Variants in KIF13B observed in about 807,000 individuals in gnomAD.
KIF13B encodes kinesin family member 13B, also known as kinesin-like protein KIF13B.
In KIF13B, 127 loss-of-function variants were observed where a neutral mutation model predicts 222.0. The observed-to-expected ratio is 0.57, with a 90% CI of 0.50 to 0.66. The LOEUF is 0.66. Among genes scored for constraint, KIF13B ranks in the 30% least tolerant of loss-of-function variants. The pLI is 0.00. For missense variants in KIF13B, 2,173 were observed against 2,379.0 expected (o/e 0.91, Z 1.80); for synonymous variants, 976 against 919.0 (o/e 1.06, Z -1.12).
intron 2 of KIF13B, among the ~76,000 whole-genome samples, chr8:29,239,587 G>T (rs1311064108): frequency 6.6e-6 from 1 of 152,162 alleles, no homozygotes; most frequent in Non-Finnish European, 1.5e-5. Flanking sequence ...TGGGTACTAT[G>T]TTCACTGTCT....
At chr8:29,080,542 C>A (rs2133500641) in intron 37 of KIF13B, among the ~76,000 whole-genome samples, 1 of 152,294 alleles carries the variant, frequency 6.6e-6, no homozygotes, top group East Asian at 1.9e-4. Context: ...ACCCTGTGCG[C>A]CTGGAGGCTC....
At chr8:29,077,233 G>A (rs2133487995) in intron 37 of KIF13B, among the ~76,000 whole-genome samples, 1 of 152,284 alleles carries the variant, frequency 6.6e-6, no homozygotes, top group South Asian at 2.1e-4. Flanking sequence ...GACCAGAACA[G>A]TCTCCCCTCT....
intron 37 of KIF13B, among the ~76,000 whole-genome samples, chr8:29,086,621 T>A (rs920466524): frequency 1.1e-4 from 17 of 152,250 alleles, no homozygotes; most frequent in African/African-American, 3.9e-4. Flanking sequence ...ATGACTTGCT[T>A]GGTTTCCATG....
intron 2 of KIF13B, among the ~76,000 whole-genome samples, chr8:29,240,902 A>T (rs1367462299): frequency 6.6e-6 from 1 of 152,218 alleles, no homozygotes; most frequent in East Asian, 1.9e-4. Flanking sequence ...CAGTTTGGCA[A>T]TTCCTCAAAA....
chr8:29,087,659 A>G (rs1342417783), intron 37 of KIF13B, among the ~76,000 whole-genome samples: 2 of 152,192 alleles, frequency 1.3e-5, no homozygotes, highest in Non-Finnish European at 2.9e-5. Flanking sequence ...CACCATTTAG[A>G]CGAGAAAGGA....
chr8:29,215,645 T>C (rs1284665887), intron 2 of KIF13B, among the ~76,000 whole-genome samples: 1 of 152,248 alleles, frequency 6.6e-6, no homozygotes, highest in Admixed American at 6.5e-5. Context: ...TCAGCCGTGA[T>C]GGCACCACTG....
intron 32 of KIF13B, among the ~76,000 whole-genome samples, chr8:29,112,254 G>A (rs1264935684): frequency 6.6e-6 from 1 of 152,086 alleles, no homozygotes; most frequent in African/African-American, 2.4e-5. Context: ...CCAACGTGGT[G>A]AAATCCCGTC....
chr8:29,170,809 G>A (rs943090196), intron 10 of KIF13B, among the ~76,000 whole-genome samples: 4 of 152,328 alleles, frequency 2.6e-5, no homozygotes, highest in South Asian at 4.1e-4. Flanking sequence ...TGGGCGCAGC[G>A]GCTCACGCCT....
At chr8:29,112,548 G>A (rs1009044408) in intron 32 of KIF13B, among the ~76,000 whole-genome samples, 5 of 152,288 alleles carry the variant, frequency 3.3e-5, no homozygotes, top group Non-Finnish European at 5.9e-5. Flanking sequence ...ACGGGAACTG[G>A]TGCTGGTGTT....
At chr8:29,176,306 C>T in intron 9 of KIF13B, 127 bp from the exon 10 acceptor site, 2 of 623,576 alleles carry the variant, frequency 3.2e-6, no homozygotes, top group Non-Finnish European at 5.7e-6. Context: ...CAGCATTTTG[C>T]CGCTCAGTTC....
chr8:29,225,903 G>A (rs1235726355), intron 2 of KIF13B, among the ~76,000 whole-genome samples: 1 of 152,212 alleles, frequency 6.6e-6, no homozygotes, highest in African/African-American at 2.4e-5. Flanking sequence ...CTGACAATCT[G>A]GCCCATTTGC....
chr8:29,149,374 T>C (rs79570993), intron 15 of KIF13B, among the ~76,000 whole-genome samples: 3,874 of 152,328 alleles, frequency 0.025, 67 homozygotes, highest in Non-Finnish European at 0.037. Flanking sequence ...GGATCTCTGT[T>C]AGCTACAGAA....
intron 32 of KIF13B, among the ~76,000 whole-genome samples, chr8:29,112,217 G>C (rs202110702): frequency 7.6e-4 from 115 of 152,222 alleles, no homozygotes; most frequent in African/African-American, 2.6e-3. Flanking sequence ...GGCGGATCAC[G>C]AGGTCAGGAG....
In KIF13B at chr8:29,229,448, G is replaced by A. The variant is rs567172662; in HGVS notation, c.149+15898C>T. ...GAGATAACAATGTGATGCCTATATC[G>A]TTTGTTGTAAGATGTCATGAGAACT... On this transcript the variant is annotated intron_variant, in intron 2 of 39. Coordinates refer to ENST00000524189, the MANE Select transcript of KIF13B (RefSeq NM_015254.4). Among the ~76,000 whole-genome samples, 11 of 152,250 alleles carry A rather than the reference G, an allele frequency of 7.2e-5. 1 individual carries two copies. In the South Asian group the frequency reaches 2.1e-3, roughly 29 times the overall value.
At chr8:29,096,128 C>T (rs1320644642) in intron 36 of KIF13B, among the ~76,000 whole-genome samples, 5 of 150,920 alleles carry the variant, frequency 3.3e-5, no homozygotes, top group Admixed American at 2.6e-4. Flanking sequence ...ACTACAGGTA[C>T]CTGCCACCAC....
rs769070424 is a variant in KIF13B, at chr8:29,182,008, T to C, written c.498-2A>G. 6.2e-7 allele frequency: 1 copy of C among 1,611,630 alleles called. No individual in the cohort carries two copies. The highest frequency in any genetic ancestry group is 8.5e-7 in the Non-Finnish European group (1 of 1,178,406). On this transcript the variant is annotated splice_acceptor_variant, in intron 6 of 39. Coordinates refer to ENST00000524189, the MANE Select transcript of KIF13B (RefSeq NM_015254.4). LOFTEE classifies it high-confidence loss of function. Reference sequence around the variant, plus strand: ...CTGACTTTCAACGTCTGACGGCTTCTGTTCATGAAAAACAAAGAAATGATT... The same window carrying C: ...CTGACTTTCAACGTCTGACGGCTTCCGTTCATGAAAAACAAAGAAATGATT...
In KIF13B at chr8:29,068,322, C is replaced by T. The variant is rs1195988613; in HGVS notation, c.*2182G>A. 3.3e-5 allele frequency: 5 copies of T among 152,304 alleles called. No individual in the cohort carries two copies. The highest frequency in any genetic ancestry group is 9.7e-5 in the African/African-American group (4 of 41,438). 9.4% of individuals were successfully genotyped at this position (152,304 alleles called of 1,614,324 possible). On this transcript the variant is annotated 3_prime_UTR_variant, in exon 40 of 40. Transcript: ENST00000524189. The surrounding 1 kb of genome is among the most constrained non-coding windows in gnomAD (Gnocchi z 4.4). Reference sequence around the variant, plus strand: ...CCCTGGCCCACCACTCTGGAGACCGCACCTCCTGCCTGCCAAGTGCTGGCC... The same window carrying T: ...CCCTGGCCCACCACTCTGGAGACCGTACCTCCTGCCTGCCAAGTGCTGGCC...
At chr8:29,126,752 C>G (rs1810129591) in intron 25 of KIF13B, among the ~76,000 whole-genome samples, 1 of 152,176 alleles carries the variant, frequency 6.6e-6, no homozygotes, top group African/African-American at 2.4e-5. Flanking sequence ...AATGCTCTCC[C>G]TGCTGGGTTT....
At chr8:29,211,382 A>G (rs1298305548) in intron 2 of KIF13B, among the ~76,000 whole-genome samples, 1 of 152,084 alleles carries the variant, frequency 6.6e-6, no homozygotes, top group East Asian at 1.9e-4. Context: ...GATCCCTGAG[A>G]GGAGAACAAG....
Sources: allele counts gnomAD v4.1 joint callset (sites outside exome capture counted in the v4.1 genomes callset), GRCh38; gene constraint gnomAD v4.1.1; non-coding constraint Gnocchi (gnomAD v3.1); transcripts MANE v1.5; gene names NCBI Gene and HGNC (gene_info 2026-07-23, HGNC 2026-07-21).